DDX31: variants seen among roughly 807,000 people sequenced by gnomAD.
DDX31 encodes the protein DEAD-box helicase 31.
DDX31 carries 70 observed loss-of-function variants against 91.3 expected under a neutral mutation model. The ratio of observed to expected loss-of-function variants is 0.77; its 90% CI spans 0.63 to 0.94. The LOEUF is 0.94. Ranked by LOEUF, DDX31 falls within the 40% of genes least tolerant of loss-of-function variation. The pLI is 0.00. For synonymous variants in DDX31, 362 were observed against 350.6 expected (o/e 1.03, Z -0.36); for missense variants, 902 against 925.0 (o/e 0.98, Z 0.32).
chr9:132,661,189 AGG>A lies in DDX31; in HGVS notation c.452+17_452+18del, dbSNP rs1160807671. 2 of 1,545,894 alleles carry A rather than the reference AGG, an allele frequency of 1.3e-6. No individual in the cohort carries two copies. Among genetic ancestry groups the A allele is most frequent in the Non-Finnish European group, 1.8e-6 (2 of 1,127,392 alleles). ...CCCACGTAATGCCTAAGAAATCAAGAGGAGCCTGAAGTTCTTACCTGGTCATA... is the reference window on the plus strand; with the variant it reads ...CCCACGTAATGCCTAAGAAATCAAGAAGCCTGAAGTTCTTACCTGGTCATA... On this transcript the variant is annotated intron_variant, in intron 4 of 19. Coordinates refer to ENST00000372159, the MANE Select transcript of DDX31 (RefSeq NM_022779.9).
chr9:132,630,166 T>C (rs1431897804), intron 16 of DDX31, 98 bp downstream of exon 16: 42 of 1,373,104 alleles, frequency 3.1e-5, no homozygotes, highest in Middle Eastern at 3.8e-4. Context: ...CAAGGGTTAA[T>C]GGCTCTTCGT....
intron 19 of DDX31, among the ~76,000 whole-genome samples, chr9:132,601,059 C>T (rs572129987): frequency 1.3e-5 from 2 of 152,332 alleles, no homozygotes; most frequent in South Asian, 2.1e-4. Context: ...TATGATTACA[C>T]ACTGAAAATA....
intron 17 of DDX31, among the ~76,000 whole-genome samples, chr9:132,619,113 G>A (rs1376962683): frequency 2.0e-5 from 3 of 152,140 alleles, no homozygotes; most frequent in African/African-American, 7.2e-5. Context: ...GCATCTGTGT[G>A]CATGCAAAGA....
chr9:132,599,474 C>A (rs1052304598), intron 19 of DDX31, among the ~76,000 whole-genome samples: 17 of 152,162 alleles, frequency 1.1e-4, no homozygotes, highest in African/African-American at 4.1e-4. Flanking sequence ...TCAGGGTTAA[C>A]CTGAATGTAG....
At chr9:132,645,004 C>T (rs531774267) in intron 13 of DDX31, among the ~76,000 whole-genome samples, 8 of 152,130 alleles carry the variant, frequency 5.3e-5, no homozygotes, top group African/African-American at 7.2e-5. Context: ...TGTTTAGGAT[C>T]GTGTCAAACC....
intron 19 of DDX31, 147 bp downstream of exon 19, chr9:132,611,940 G>A (rs1455059552): frequency 3.4e-5 from 39 of 1,154,032 alleles, no homozygotes; most frequent in Non-Finnish European, 4.1e-5. Flanking sequence ...AGATGAGGTG[G>A]CTTTCTTCTC....
chr9:132,613,252 C>T (rs1379327562), intron 18 of DDX31, among the ~76,000 whole-genome samples: 2 of 152,042 alleles, frequency 1.3e-5, no homozygotes, highest in Non-Finnish European at 2.9e-5. Flanking sequence ...GAGCTTCTTG[C>T]TCAAAGAATG....
intron 17 of DDX31, among the ~76,000 whole-genome samples, chr9:132,619,308 C>T (rs1484699593): frequency 6.6e-6 from 1 of 152,146 alleles, no homozygotes; most frequent in Non-Finnish European, 1.5e-5. Context: ...CAGATTCTTC[C>T]ACCCAATGAG....
At chr9:132,597,775 C>T (rs1418442387) in intron 19 of DDX31, among the ~76,000 whole-genome samples, 1 of 152,144 alleles carries the variant, frequency 6.6e-6, no homozygotes, top group Non-Finnish European at 1.5e-5. Flanking sequence ...CCAGACACCA[C>T]CGGGGCCACT....
In DDX31 at chr9:132,641,905, TG is replaced by T; in HGVS notation, c.1440+98del. 2.3e-6 allele frequency: 3 copies of T among 1,294,446 alleles called. No individual in the cohort carries two copies. In the South Asian group the frequency reaches 3.6e-5, roughly 16 times the overall value. 80.2% of individuals were successfully genotyped at this position (1,294,446 alleles called of 1,614,324 possible). A position where few individuals can be genotyped will look rare whatever the true frequency, so the allele number is the denominator to read the frequency against. On this transcript the variant is annotated intron_variant, in intron 14 of 19. Coordinates refer to ENST00000372159, the MANE Select transcript of DDX31 (RefSeq NM_022779.9). ...AGGGGCCCCTAGTGTTCCTGGGCCC[TG>T]TAGGACTGACCACAGGACAAACTGT...
chr9:132,634,567 T>A (rs1166580931), intron 14 of DDX31, among the ~76,000 whole-genome samples: 1 of 145,120 alleles, frequency 6.9e-6, no homozygotes, highest in East Asian at 2.2e-4. Flanking sequence ...ATTCAAATTC[T>A]CCAACTGTAC....
intron 13 of DDX31, among the ~76,000 whole-genome samples, chr9:132,645,690 C>T (rs1321303505): frequency 6.6e-6 from 1 of 152,178 alleles, no homozygotes; most frequent in Non-Finnish European, 1.5e-5. Context: ...ACAATAGACT[C>T]CCCTTGCCCC....
chr9:132,669,862 G>A lies in DDX31; in HGVS notation c.73C>T (p.Arg25Trp), dbSNP rs773091680. Residue 25 changes from arginine to tryptophan, a missense_variant and splice_region_variant, in exon 1 of 20, where the codon CGG becomes TGG. Transcript: ENST00000372159. Reference protein sequence around the residue: ...FSRRPPAQASRQAKATKRKYQ... With the variant: ...FSRRPPAQASWQAKATKRKYQ... Reference sequence around the variant, plus strand: ...GCTGAAGCCGGGTCAGAACTCACCCGACTCGCCTGGGCTGGGGGACGTCTG... The same window carrying A: ...GCTGAAGCCGGGTCAGAACTCACCCAACTCGCCTGGGCTGGGGGACGTCTG... The A allele has an allele frequency of 8.2e-6, 13 of 1,584,096 alleles. No homozygotes were observed. In the South Asian group the frequency reaches 1.0e-4, roughly 13 times the overall value.
chr9:132,608,330 C>T (rs1396022189), intron 19 of DDX31, among the ~76,000 whole-genome samples: 1 of 152,014 alleles, frequency 6.6e-6, no homozygotes, highest in East Asian at 1.9e-4. Context: ...TTTACTGTTC[C>T]CTTGCAGAAC....
At chr9:132,662,380 A>C in intron 2 of DDX31, 44 bp from the exon 3 acceptor site, 1 of 1,614,022 alleles carries the variant, frequency 6.2e-7, no homozygotes, top group East Asian at 2.2e-5. Context: ...GCCAATATTA[A>C]CAAAGAAAAG....
In DDX31 at chr9:132,648,433, T is replaced by C. The variant is rs768599479; in HGVS notation, c.859A>G (p.Arg287Gly). 8 of 1,613,266 alleles carry C rather than the reference T, an allele frequency of 5.0e-6. No homozygotes were observed. The highest frequency in any genetic ancestry group is 6.8e-6 in the Non-Finnish European group (8 of 1,179,746). Residue 287 changes from arginine (R) to glycine (G), a missense_variant and splice_region_variant, in exon 10 of 20, where the codon AGA (arginine) becomes GGA (glycine). By Grantham distance (125) the Arg-to-Gly change is moderately radical (BLOSUM62 -2). Transcript: ENST00000372159. ...LRWLVFDEADRILDLGFEKDI... is the reference protein window; with the variant it reads ...LRWLVFDEADGILDLGFEKDI... ...TTATCATCCTGGGACGAGGCTCACC[T>C]GTCTGCTTCATCAAACACCAACCAC...
chr9:132,667,558 G>A (rs922478945), intron 1 of DDX31, among the ~76,000 whole-genome samples: 6 of 151,962 alleles, frequency 3.9e-5, no homozygotes, highest in South Asian at 2.1e-4. Flanking sequence ...AGCAGAGATC[G>A]CGCCACTGCA....
chr9:132,594,856 C>G lies in DDX31; in HGVS notation c.*10G>C, dbSNP rs745899775. The G allele has an allele frequency of 1.2e-6, 2 of 1,611,576 alleles. No individual in the cohort carries two copies. The highest frequency in any genetic ancestry group is 1.7e-6 in the Non-Finnish European group (2 of 1,178,836). On this transcript the variant is annotated 3_prime_UTR_variant, in exon 20 of 20. Coordinates refer to ENST00000372159, the MANE Select transcript of DDX31 (RefSeq NM_022779.9). The stretch of plus-strand genomic sequence containing the variant: ...GGCTTCCAGGTTCCACTCGAAGACC[C>G]AGAGAGATTTTAAACTTTCTGGGAA...
At chr9:132,617,049 C>T (rs981288737) in intron 18 of DDX31, among the ~76,000 whole-genome samples, 1 of 152,160 alleles carries the variant, frequency 6.6e-6, no homozygotes, top group Non-Finnish European at 1.5e-5. Flanking sequence ...TCTTTCAAAC[C>T]TAAGTCAGAT....
Sources: allele counts gnomAD v4.1 joint callset (sites outside exome capture counted in the v4.1 genomes callset), GRCh38; gene constraint gnomAD v4.1.1; transcripts MANE v1.5; gene names NCBI Gene and HGNC (gene_info 2026-07-23, HGNC 2026-07-21).